PLCL2: variants seen among roughly 807,000 people sequenced by gnomAD.
PLCL2 encodes the protein inactive phospholipase C-like protein 2.
In PLCL2, 4 loss-of-function variants were observed where a neutral mutation model predicts 79.6. The observed-to-expected ratio is 0.05, with a 90% CI of 0.02 to 0.11. The LOEUF (loss-of-function observed/expected upper bound fraction) is 0.11, where lower values mean the gene tolerates loss of function less well. PLCL2 is among the 10% of genes least tolerant of loss of function. The probability of loss-of-function intolerance (pLI) is 1.00; values close to 1 mark genes in which losing one functional copy is unlikely to be tolerated. For missense variants in PLCL2, 895 were observed against 1,291.0 expected (o/e 0.69, Z 4.70); for synonymous variants, 484 against 457.7 (o/e 1.06, Z -0.73).
In PLCL2 at chr3:17,062,198, C is replaced by G. The variant is rs536016713; in HGVS notation, c.3095-5758C>G. The stretch of plus-strand genomic sequence containing the variant: ...CTGATCTCTGAACATAATCTCTGAT[C>G]AGGTCATTTGCTGATCTCTGAACAT... On this transcript the variant is annotated intron_variant, in intron 4 of 5. Transcript: ENST00000615277. Among the ~76,000 whole-genome samples, 230 of 152,292 alleles carry G rather than the reference C, an allele frequency of 1.5e-3. 1 individual carries two copies. The highest frequency in any genetic ancestry group is 5.2e-3 in the African/African-American group (215 of 41,568).
At chr3:17,038,463 A>G (rs1248922736) in intron 3 of PLCL2, among the ~76,000 whole-genome samples, 1 of 152,198 alleles carries the variant, frequency 6.6e-6, no homozygotes, top group Non-Finnish European at 1.5e-5. Context: ...CTTGCATTCT[A>G]GTGACGTATC....
intron 1 of PLCL2, among the ~76,000 whole-genome samples, chr3:16,914,569 G>A (rs1190241276): frequency 6.7e-6 from 1 of 150,274 alleles, no homozygotes; most frequent in Non-Finnish European, 1.5e-5. Flanking sequence ...ATTAAAATAT[G>A]TAGGTATCTA....
intron 1 of PLCL2, among the ~76,000 whole-genome samples, chr3:16,944,920 C>A (rs563288372): frequency 5.9e-5 from 9 of 151,902 alleles, no homozygotes; most frequent in Non-Finnish European, 1.3e-4. Flanking sequence ...CCACCACACC[C>A]GGGTAATTTT....
At chr3:16,992,456 C>A (rs1192769453) in intron 1 of PLCL2, among the ~76,000 whole-genome samples, 1 of 152,230 alleles carries the variant, frequency 6.6e-6, no homozygotes, top group East Asian at 1.9e-4. Context: ...AGCAAATAAC[C>A]CCCATTTGCA....
chr3:17,032,364 T>C (rs1340879518), intron 3 of PLCL2, among the ~76,000 whole-genome samples: 2 of 152,144 alleles, frequency 1.3e-5, no homozygotes, highest in Non-Finnish European at 2.9e-5. Flanking sequence ...CTTGTCTGCA[T>C]AAAAATAAAA....
At chr3:17,078,714 T>C (rs13062572) in intron 5 of PLCL2, among the ~76,000 whole-genome samples, 23,849 of 152,196 alleles carry the variant, frequency 0.16, 2,132 homozygotes, top group Non-Finnish European at 0.17. Context: ...TTTTCTTCAT[T>C]TTTACCTGAG....
In PLCL2 at chr3:17,059,056, T is replaced by C. The variant is rs1323177622; in HGVS notation, c.3095-8900T>C. ...TACTTCCAACCAATAATTCCATTGTTTCAGAGATTATTCTATAAATATGAT... is the reference window on the plus strand; with the variant it reads ...TACTTCCAACCAATAATTCCATTGTCTCAGAGATTATTCTATAAATATGAT... On this transcript the variant is annotated intron_variant, in intron 4 of 5. Coordinates refer to ENST00000615277, the MANE Select transcript of PLCL2 (RefSeq NM_001144382.2). Among the ~76,000 whole-genome samples the C allele has an allele frequency of 1.1e-4, 17 of 152,262 alleles. No homozygotes were observed. The East Asian group carries it at 3.1e-3, about 28-fold the overall frequency.
intron 4 of PLCL2, among the ~76,000 whole-genome samples, chr3:17,047,390 A>G (rs1203684371): frequency 1.7e-5 from 1 of 58,628 alleles, no homozygotes; most frequent in Non-Finnish European, 3.2e-5. Context: ...GAGCAGGAGA[A>G]TCTGTTCTGT....
intron 3 of PLCL2, among the ~76,000 whole-genome samples, chr3:17,016,845 A>C (rs2064390302): frequency 1.3e-5 from 2 of 152,270 alleles, no homozygotes; most frequent in South Asian, 4.1e-4. Context: ...ATCTAATATG[A>C]TTTACCCCCT....
intron 1 of PLCL2, among the ~76,000 whole-genome samples, chr3:16,895,182 G>T (rs1332361275): frequency 1.3e-5 from 2 of 151,592 alleles, no homozygotes; most frequent in Admixed American, 1.3e-4. Flanking sequence ...TATGTGACTT[G>T]CTTTTTCACT....
In PLCL2 at chr3:16,948,605, A is replaced by G. The variant is rs533857332; in HGVS notation, c.328-61069A>G. On this transcript the variant is annotated intron_variant, in intron 1 of 5. Coordinates refer to ENST00000615277, the MANE Select transcript of PLCL2 (RefSeq NM_001144382.2). ...CACTACTTTCATTTAATGAAATGGA[A>G]GAGACTTTAGAGGTACAGAGCATGG... 9.8e-5 allele frequency among the ~76,000 whole-genome samples: 15 copies of G among 152,352 alleles called. No individual in the cohort carries two copies. In the East Asian group the frequency reaches 2.7e-3, roughly 27 times the overall value.
intron 4 of PLCL2, among the ~76,000 whole-genome samples, chr3:17,060,852 A>T (rs535568164): frequency 6.6e-6 from 1 of 152,276 alleles, no homozygotes; most frequent in East Asian, 1.9e-4. Context: ...ATAAATTAAA[A>T]ATATAAATAT....
chr3:17,049,813 T>C (rs1052142656), intron 4 of PLCL2, among the ~76,000 whole-genome samples: 17 of 151,750 alleles, frequency 1.1e-4, no homozygotes, highest in Admixed American at 9.9e-4. Context: ...ACATTCTTCA[T>C]GGAAATTGAA....
intron 1 of PLCL2, among the ~76,000 whole-genome samples, chr3:16,898,552 G>A (rs968071583): frequency 2.6e-5 from 4 of 152,310 alleles, no homozygotes; most frequent in Non-Finnish European, 4.4e-5. Context: ...CAGGCACATA[G>A]CCACATAGCA....
intron 3 of PLCL2, among the ~76,000 whole-genome samples, chr3:17,019,235 A>G (rs1004673905): frequency 3.9e-5 from 6 of 152,210 alleles, no homozygotes; most frequent in African/African-American, 1.4e-4. Context: ...ATGCTCAAGC[A>G]CATATTCTGG....
intron 1 of PLCL2, among the ~76,000 whole-genome samples, chr3:16,998,631 CTG>C (rs916476965): frequency 2.6e-5 from 4 of 152,152 alleles, no homozygotes; most frequent in Non-Finnish European, 4.4e-5. Context: ...CTGGAGAAAA[CTG>C]TGAATTTTAT....
intron 1 of PLCL2, among the ~76,000 whole-genome samples, chr3:17,000,122 A>G (rs959961783): frequency 6.6e-6 from 1 of 152,120 alleles, no homozygotes; most frequent in Non-Finnish European, 1.5e-5. Context: ...ACTAACATCT[A>G]AGTTAGAGAT....
chr3:16,949,203 A>G (rs1243646349), intron 1 of PLCL2, among the ~76,000 whole-genome samples: 1 of 141,816 alleles, frequency 7.1e-6, no homozygotes, highest in African/African-American at 2.6e-5. Context: ...ATAGAAAATG[A>G]AAGATAGAAT....
chr3:16,991,105 G>T (rs574954376), intron 1 of PLCL2, among the ~76,000 whole-genome samples: 4 of 152,202 alleles, frequency 2.6e-5, no homozygotes, highest in African/African-American at 9.7e-5. Flanking sequence ...TCAGTCTGCT[G>T]TCAGAGCCTC....
Sources: allele counts gnomAD v4.1 joint callset (sites outside exome capture counted in the v4.1 genomes callset), GRCh38; gene constraint gnomAD v4.1.1; transcripts MANE v1.5; gene names NCBI Gene and HGNC (gene_info 2026-07-23, HGNC 2026-07-21).